Variants in FBXL5 observed in about 807,000 individuals in gnomAD.
FBXL5 encodes the protein F-box and leucine rich repeat protein 5.
FBXL5 carries 26 observed loss-of-function variants against 78.3 expected under a neutral mutation model. The observed-to-expected ratio is 0.33, with a 90% CI of 0.24 to 0.46. The LOEUF (loss-of-function observed/expected upper bound fraction) is 0.46, where lower values mean the gene tolerates loss of function less well. FBXL5 is among the 20% of genes least tolerant of loss of function. FBXL5 has a pLI of 1.00. For synonymous variants in FBXL5, 295 were observed against 282.5 expected, an observed-to-expected ratio of 1.04 and a Z score of -0.45; for missense variants, 710 against 829.2, an observed-to-expected ratio of 0.86 and a Z score of 1.77.
At chr4:15,673,567 A>G (rs180898901) in intron 1 of FBXL5, among the ~76,000 whole-genome samples, 13 of 152,340 alleles carry the variant, frequency 8.5e-5, no homozygotes, top group Admixed American at 8.5e-4. Context: ...TTCCAGCTCC[A>G]TTATAATCTT....
chr4:15,626,164 A>G (rs1051017878), intron 8 of FBXL5, among the ~76,000 whole-genome samples, 187 bp from the exon 9 acceptor site: 1 of 152,256 alleles, frequency 6.6e-6, no homozygotes, highest in African/African-American at 2.4e-5. Context: ...AATGAGAGTA[A>G]TAAGGAAGTC....
chr4:15,610,829 A>G (rs1467765372), intron 10 of FBXL5, among the ~76,000 whole-genome samples: 1 of 152,112 alleles, frequency 6.6e-6, no homozygotes, highest in Non-Finnish European at 1.5e-5. Flanking sequence ...ACATACAAAT[A>G]AAATTTTTTC....
At position 15,677,722 on chromosome 4, in the gene FBXL5, C is replaced by T. The variant is rs186483081; in HGVS notation, c.-284+3661G>A. On this transcript the variant is annotated intron_variant, in intron 1 of 4. Transcript: ENST00000507899. ...TATGTGTCTCTTCCATTTGGCTGTT[C>T]CCAAGTTGTATCCTTTACACAAAAA... Among the ~76,000 whole-genome samples the T allele has an allele frequency of 1.1e-4, 16 of 152,228 alleles. No homozygotes were observed. The East Asian group carries it at 2.9e-3, about 28-fold the overall frequency.
chr4:15,642,661 T>A (rs993983891), intron 2 of FBXL5, among the ~76,000 whole-genome samples: 7 of 152,242 alleles, frequency 4.6e-5, no homozygotes, highest in Admixed American at 4.6e-4. Flanking sequence ...CTTACGACTT[T>A]ACACATTTTC....
intron 9 of FBXL5, among the ~76,000 whole-genome samples, chr4:15,615,142 G>A (rs112461330): frequency 0.016 from 2,481 of 152,256 alleles, 69 homozygotes; most frequent in African/African-American, 0.056. Flanking sequence ...AGCCTTAGCT[G>A]CCTTCCTGCG....
At chr4:15,627,086 A>G (rs1713136202) in intron 7 of FBXL5, 131 bp from the exon 8 acceptor site, 3 of 487,656 alleles carry the variant, frequency 6.2e-6, no homozygotes, top group Middle Eastern at 4.8e-4. Flanking sequence ...TGAATACTTG[A>G]AAAAAGTATA....
intron 1 of FBXL5, among the ~76,000 whole-genome samples, chr4:15,675,874 C>A (rs541228692): frequency 6.6e-6 from 1 of 152,124 alleles, no homozygotes; most frequent in African/African-American, 2.4e-5. Context: ...TGAGCCACCG[C>A]GCCCAGCCAA....
At chr4:15,639,177 T>C (rs1288708361) in intron 3 of FBXL5, among the ~76,000 whole-genome samples, 1 of 152,148 alleles carries the variant, frequency 6.6e-6, no homozygotes, top group East Asian at 1.9e-4. Context: ...GAAAAATAAA[T>C]AAATAAAATA....
At chr4:15,643,959 C>CA (rs1258886000) in intron 2 of FBXL5, among the ~76,000 whole-genome samples, 8 of 152,306 alleles carry the variant, frequency 5.3e-5, no homozygotes, top group African/African-American at 1.9e-4. Context: ...TGAAGACTCT[C>CA]ACCAAACCTG....
At position 15,624,231 on chromosome 4, in the gene FBXL5, G is replaced by C. The variant is rs539582964; in HGVS notation, c.1850+1021C>G. ...TCTGACATCCCATTATCAAAGAAAA[G>C]CATGTATCCAATTTCCAAAGGCTCA... On this transcript the variant is annotated intron_variant, in intron 9 of 10. Coordinates refer to ENST00000341285, the MANE Select transcript of FBXL5 (RefSeq NM_012161.4). 1.3e-3 allele frequency among the ~76,000 whole-genome samples: 196 copies of C among 152,198 alleles called. 2 individuals are homozygous for C. Among genetic ancestry groups the C allele is most frequent in the African/African-American group, 4.5e-3 (188 of 41,508 alleles).
chr4:15,661,603 AAAT>A (rs1457397794), upstream of FBXL5, among the ~76,000 whole-genome samples: 1 of 152,220 alleles, frequency 6.6e-6, no homozygotes, highest in Non-Finnish European at 1.5e-5. Flanking sequence ...AGAAAATAGA[AAAT>A]AACAGTGCCT....
intron 1 of FBXL5, among the ~76,000 whole-genome samples, chr4:15,675,858 C>T (rs1717976238): frequency 6.6e-6 from 1 of 152,182 alleles, no homozygotes; most frequent in Admixed American, 6.5e-5. Context: ...GCTGGGATTA[C>T]AGGCATGAGC....
At chr4:15,634,952 A>G (rs73127641) in intron 5 of FBXL5, among the ~76,000 whole-genome samples, 11,984 of 152,218 alleles carry the variant, frequency 0.079, 638 homozygotes, top group Middle Eastern at 0.15. Context: ...ATTATCCCAC[A>G]TAACAACTAA....
At chr4:15,613,936 G>A (rs187592019) in intron 9 of FBXL5, among the ~76,000 whole-genome samples, 5 of 151,956 alleles carry the variant, frequency 3.3e-5, no homozygotes, top group East Asian at 3.9e-4. Flanking sequence ...TCCTCTTTCC[G>A]GCAATTGAGA....
intron 1 of FBXL5, among the ~76,000 whole-genome samples, chr4:15,653,148 T>C (rs1040896068): frequency 6.6e-6 from 1 of 152,152 alleles, no homozygotes; most frequent in Non-Finnish European, 1.5e-5. Flanking sequence ...TTCAGAAAAT[T>C]GGACTTTTAA....
rs1372833786 is a variant in FBXL5 at position 15,630,758 on chromosome 4, T to C, written c.800A>G (p.Asp267Gly). 2 of 1,612,880 alleles carry C rather than the reference T, an allele frequency of 1.2e-6. No homozygotes were observed. The highest frequency in any genetic ancestry group is 1.7e-6 in the Non-Finnish European group (2 of 1,179,632). The change falls in exon 6 of 11, where the codon GAT becomes GGT. Residue 267 changes from aspartate to glycine, a missense_variant. Around this residue, in one of 4 missense-constraint regions of FBXL5, gnomAD observed 517 missense variants for 542.9 expected, o/e 0.95. Coordinates refer to ENST00000341285, the MANE Select transcript of FBXL5 (RefSeq NM_012161.4). ...CACCCATTCATCATCAGGTTCAGTATCAAGTTCAGTTGCGGGACCACTATA... is the reference window on the plus strand; with the variant it reads ...CACCCATTCATCATCAGGTTCAGTACCAAGTTCAGTTGCGGGACCACTATA... ...DWYSGPATEL[D>G]TEPDDEWVKN...
chr4:15,650,597 G>A (rs926655184), intron 1 of FBXL5, among the ~76,000 whole-genome samples: 9 of 150,018 alleles, frequency 6.0e-5, no homozygotes, highest in Admixed American at 2.0e-4. Flanking sequence ...ATAAAAGGAC[G>A]CACATAATTA....
At chr4:15,626,096 A>AC in intron 8 of FBXL5, 119 bp from the exon 9 acceptor site, 8 of 883,020 alleles carry the variant, frequency 9.1e-6, no homozygotes, top group Non-Finnish European at 1.3e-5. Flanking sequence ...TCACTTAAGT[A>AC]TTTAGTGAAT....
chr4:15,678,774 C>T (rs1446502570), intron 1 of FBXL5, among the ~76,000 whole-genome samples: 1 of 152,070 alleles, frequency 6.6e-6, no homozygotes, highest in Admixed American at 6.6e-5. Flanking sequence ...TTTATAAGGT[C>T]ATTTTGTTTG....
Sources: allele counts gnomAD v4.1 joint callset (sites outside exome capture counted in the v4.1 genomes callset), GRCh38; gene constraint gnomAD v4.1.1; regional missense constraint gnomAD v4.1.1; transcripts MANE v1.5; gene names NCBI Gene and HGNC (gene_info 2026-07-23, HGNC 2026-07-21).